Variants in PRKCE observed in about 807,000 individuals in gnomAD.
PRKCE encodes protein kinase C epsilon type.
In PRKCE, 16 loss-of-function variants were observed where a neutral mutation model predicts 85.4. That is an observed-to-expected ratio of 0.19 (90% CI 0.13 to 0.28). The LOEUF is 0.28. PRKCE is among the 10% of genes least tolerant of loss of function. The pLI, the probability that PRKCE is intolerant of heterozygous loss-of-function variation, is 1.00. For synonymous variants in PRKCE, 388 were observed against 371.5 expected (o/e 1.04, Z -0.51); for missense variants, 573 against 975.2 (o/e 0.59, Z 5.49).
At chr2:45,682,433 T>A (rs917174000) in intron 1 of PRKCE, among the ~76,000 whole-genome samples, 1 of 144,658 alleles carries the variant, frequency 6.9e-6, no homozygotes, top group Non-Finnish European at 1.5e-5. Flanking sequence ...TTTTTATTTA[T>A]TTATTTTTTT....
intron 11 of PRKCE, among the ~76,000 whole-genome samples, chr2:46,109,769 G>C (rs1672084307): frequency 6.6e-6 from 1 of 152,016 alleles, no homozygotes; most frequent in Non-Finnish European, 1.5e-5. Flanking sequence ...GGACCTTCTT[G>C]TCTGTTACAG....
At chr2:46,083,912 G>T (rs1669339024) in intron 10 of PRKCE, among the ~76,000 whole-genome samples, 1 of 152,202 alleles carries the variant, frequency 6.6e-6, no homozygotes, top group Non-Finnish European at 1.5e-5. Context: ...AAACCAGATG[G>T]AGGAGAGTCA....
intron 1 of PRKCE, among the ~76,000 whole-genome samples, chr2:45,656,267 G>C (rs1180760904): frequency 6.6e-6 from 1 of 152,076 alleles, no homozygotes; most frequent in South Asian, 2.1e-4. Context: ...AAATAAACAG[G>C]GCTCTACAAT....
At chr2:45,851,670 G>T (rs1217563315) in intron 2 of PRKCE, 1 of 152,128 alleles carries the variant, frequency 6.6e-6, no homozygotes, top group Non-Finnish European at 1.5e-5. Flanking sequence ...ATAGAAATGT[G>T]ACCATTCCCA....
At chr2:45,930,261 C>T (rs1698939153) in intron 2 of PRKCE, among the ~76,000 whole-genome samples, 2 of 152,120 alleles carry the variant, frequency 1.3e-5, no homozygotes, top group Non-Finnish European at 2.9e-5. Flanking sequence ...GTTTGGAAAG[C>T]GCATGGATTA....
chr2:45,959,536 A>G (rs961273879), intron 2 of PRKCE, among the ~76,000 whole-genome samples: 1 of 152,190 alleles, frequency 6.6e-6, no homozygotes, highest in Non-Finnish European at 1.5e-5. Context: ...TTGTGGCCTC[A>G]GTATTGAGGA....
chr2:45,945,671 C>G (rs1700194998), intron 2 of PRKCE, among the ~76,000 whole-genome samples: 1 of 152,218 alleles, frequency 6.6e-6, no homozygotes, highest in African/African-American at 2.4e-5. Flanking sequence ...CCCTCACAGT[C>G]CCCTGCAAGG....
Position 46,001,683 on chromosome 2 carries a change from G to A in PRKCE, c.966+137G>A. 4 of 1,032,584 alleles carry A rather than the reference G, an allele frequency of 3.9e-6. No homozygotes were observed. Among genetic ancestry groups the A allele is most frequent in the Middle Eastern group, 3.5e-4 (1 of 2,884 alleles). 64.0% of individuals were successfully genotyped at this position (1,032,584 alleles called of 1,614,324 possible). On this transcript the variant is annotated intron_variant, in intron 7 of 14. Coordinates refer to ENST00000306156, the MANE Select transcript of PRKCE (RefSeq NM_005400.3). The surrounding 1 kb of genome is among the most constrained non-coding windows in gnomAD (Gnocchi z 4.4). Reference sequence around the variant, plus strand: ...TTTACTCAGAACTGCAGTACTTAAAGAAAAAAACAAAGATAGAAGCCAGGC... The same window carrying A: ...TTTACTCAGAACTGCAGTACTTAAAAAAAAAAACAAAGATAGAAGCCAGGC...
chr2:45,825,956 G>GT (rs1232719770), intron 1 of PRKCE, among the ~76,000 whole-genome samples: 3 of 152,070 alleles, frequency 2.0e-5, no homozygotes, highest in African/African-American at 7.2e-5. Context: ...ATAGACTTAG[G>GT]TTTTTTTGCC....
At chr2:45,886,657 G>T (rs1695325015) in intron 2 of PRKCE, among the ~76,000 whole-genome samples, 1 of 152,208 alleles carries the variant, frequency 6.6e-6, no homozygotes, top group African/African-American at 2.4e-5. Flanking sequence ...GAAGTCAAAT[G>T]ACTTTTTCAA....
rs527408464 is a variant in PRKCE, at chr2:45,890,606, C to A, written c.412+47543C>A. 3.3e-5 allele frequency among the ~76,000 whole-genome samples: 5 copies of A among 152,260 alleles called. No homozygotes were observed. The South Asian group carries it at 1.0e-3, about 32-fold the overall frequency. ...ATGGTGGCCAGGCTGGTCTCGAACT[C>A]CTGGCCTCAAGTGATCTGCCTGCCT... On this transcript the variant is annotated intron_variant, in intron 2 of 14. Coordinates refer to ENST00000306156, the MANE Select transcript of PRKCE (RefSeq NM_005400.3).
At chr2:45,845,456 T>C (rs1213801764) in intron 2 of PRKCE, 1 of 151,728 alleles carries the variant, frequency 6.6e-6, no homozygotes, top group Non-Finnish European at 1.5e-5. Context: ...ACAGCTGAAG[T>C]TTCACCACTC....
At chr2:45,792,642 T>C (rs1687121357) in intron 1 of PRKCE, among the ~76,000 whole-genome samples, 1 of 152,162 alleles carries the variant, frequency 6.6e-6, no homozygotes, top group Non-Finnish European at 1.5e-5. Context: ...CTGGATAATC[T>C]ACGTAGCCTC....
At chr2:45,863,913 C>G (rs1693374689) in intron 2 of PRKCE, among the ~76,000 whole-genome samples, 1 of 152,154 alleles carries the variant, frequency 6.6e-6, no homozygotes, top group South Asian at 2.1e-4. Flanking sequence ...TCCTGCTGGG[C>G]AGCAGACGGC....
chr2:46,130,211 G>C (rs1674285412), intron 11 of PRKCE, among the ~76,000 whole-genome samples: 1 of 152,056 alleles, frequency 6.6e-6, no homozygotes, highest in Admixed American at 6.6e-5. Flanking sequence ...ATAACACAAA[G>C]TATAATCTAA....
At chr2:46,000,247 T>A (rs1334508116) in intron 6 of PRKCE, among the ~76,000 whole-genome samples, 3 of 151,878 alleles carry the variant, frequency 2.0e-5, no homozygotes, top group Admixed American at 6.6e-5. Flanking sequence ...AGGCTGTTAG[T>A]AATGTGAGTA....
At chr2:45,777,647 G>A (rs974667817) in intron 1 of PRKCE, among the ~76,000 whole-genome samples, 3 of 152,082 alleles carry the variant, frequency 2.0e-5, no homozygotes, top group Middle Eastern at 3.2e-3. Context: ...ATTACTTCTT[G>A]TTTACAGATG....
chr2:46,014,278 T>C (rs984621216), intron 10 of PRKCE, among the ~76,000 whole-genome samples: 1 of 152,184 alleles, frequency 6.6e-6, no homozygotes, highest in Non-Finnish European at 1.5e-5. Context: ...TTTAATTTAC[T>C]GTCAAAATAT....
intron 10 of PRKCE, among the ~76,000 whole-genome samples, chr2:46,065,996 T>A (rs1192462586): frequency 1.3e-5 from 2 of 152,208 alleles, no homozygotes; most frequent in Non-Finnish European, 2.9e-5. Context: ...ACCACCCATT[T>A]GCAAAGATCC....
Sources: gnomAD v4.1 joint callset for allele counts (sites outside exome capture counted in the v4.1 genomes callset) on GRCh38, gnomAD v4.1.1 for gene constraint, Gnocchi (gnomAD v3.1) non-coding constraint, MANE v1.5 for transcripts, NCBI Gene and HGNC (gene_info 2026-07-23, HGNC 2026-07-21) for gene names.